MFN1: variants seen among roughly 807,000 people sequenced by gnomAD.
MFN1 encodes the protein mitofusin-1.
In MFN1, 65 loss-of-function variants were observed where a neutral mutation model predicts 92.4. The ratio of observed to expected loss-of-function variants is 0.70; its 90% CI spans 0.58 to 0.86. The LOEUF is 0.86. Ranked by LOEUF, MFN1 falls within the 40% of genes least tolerant of loss-of-function variation. The pLI is 0.00. For missense variants in MFN1, 781 were observed against 868.0 expected, an observed-to-expected ratio of 0.90 and a Z score of 1.26; for synonymous variants, 297 against 300.9, an observed-to-expected ratio of 0.99 and a Z score of 0.13.
intron 4 of MFN1, among the ~76,000 whole-genome samples, chr3:179,360,869 G>A (rs967858531): frequency 1.3e-5 from 2 of 152,068 alleles, no homozygotes; most frequent in Admixed American, 1.3e-4. Flanking sequence ...ATTCAAGGCC[G>A]GGCACAGTGG....
chr3:179,372,530 T>TA (rs1475481273), intron 9 of MFN1, among the ~76,000 whole-genome samples: 1 of 152,198 alleles, frequency 6.6e-6, no homozygotes, highest in Non-Finnish European at 1.5e-5. Flanking sequence ...TTCCCATACT[T>TA]ATTTGGAGTA....
intron 3 of MFN1, among the ~76,000 whole-genome samples, chr3:179,352,845 G>A (rs933190568): frequency 2.0e-5 from 3 of 151,862 alleles, no homozygotes; most frequent in Non-Finnish European, 4.4e-5. Flanking sequence ...TCCACATCCC[G>A]GGTTCAAGCG....
intron 3 of MFN1, among the ~76,000 whole-genome samples, chr3:179,355,227 C>T (rs1019664767): frequency 5.3e-5 from 8 of 152,146 alleles, no homozygotes; most frequent in Non-Finnish European, 7.3e-5. Flanking sequence ...TCACTTTCAT[C>T]GCCATCTTGG....
At chr3:179,351,844 A>G in intron 2 of MFN1, 56 bp from the exon 3 acceptor site, 5 of 1,515,294 alleles carry the variant, frequency 3.3e-6, no homozygotes, top group Non-Finnish European at 4.5e-6. Context: ...ATTCCATTAT[A>G]TAACTAACTT....
intron 9 of MFN1, among the ~76,000 whole-genome samples, chr3:179,369,556 T>C (rs1712939885): frequency 6.6e-6 from 1 of 152,164 alleles, no homozygotes; most frequent in African/African-American, 2.4e-5. Context: ...AGCTTGTGCT[T>C]CCCAAGAATA....
chr3:179,351,023 A>C (rs1012898944), intron 2 of MFN1, among the ~76,000 whole-genome samples: 1 of 152,114 alleles, frequency 6.6e-6, no homozygotes, highest in Admixed American at 6.6e-5. Flanking sequence ...CAGGCTGGTC[A>C]TGAACTCCTG....
chr3:179,358,896 C>T lies in MFN1; in HGVS notation c.305C>T (p.Pro102Leu). Residue 102 changes from proline to leucine, a missense_variant, in exon 4 of 18, where the codon CCT becomes CTT. Physicochemically the swap from Pro to Leu is moderately conservative, Grantham distance 98. Transcript: ENST00000471841. The stretch of plus-strand genomic sequence containing the variant: ...GCAATGTTGTGGGATAAAGTTCTCC[C>T]TAGTGGGATTGGCCATATAACCAAT... ...INAMLWDKVL[P>L]SGIGHITNCF... The T allele has an allele frequency of 6.2e-7, 1 of 1,613,916 alleles. No individual in the cohort carries two copies. Among genetic ancestry groups the T allele is most frequent in the Non-Finnish European group, 8.5e-7 (1 of 1,179,976 alleles).
At chr3:179,376,095 T>C (rs1713230754) in intron 10 of MFN1, among the ~76,000 whole-genome samples, 1 of 152,242 alleles carries the variant, frequency 6.6e-6, no homozygotes. Flanking sequence ...CATTGGAATT[T>C]TAAATGTATT....
chr3:179,389,767 G>C (rs562148251), intron 16 of MFN1, among the ~76,000 whole-genome samples: 1 of 151,982 alleles, frequency 6.6e-6, no homozygotes, highest in Non-Finnish European at 1.5e-5. Flanking sequence ...CCCATCTTTT[G>C]TCTTTATGTA....
chr3:179,377,251 TA>T, intron 11 of MFN1, 83 bp downstream of exon 11: 1 of 1,530,660 alleles, frequency 6.5e-7, no homozygotes, highest in Admixed American at 2.0e-5. Context: ...CCTGTTACTT[TA>T]AAAGAATGTT....
chr3:179,355,044 A>G (rs1381268080), intron 3 of MFN1, among the ~76,000 whole-genome samples: 9 of 151,848 alleles, frequency 5.9e-5, no homozygotes, highest in African/African-American at 2.2e-4. Flanking sequence ...CCATCCACCC[A>G]CCTCGGCCTC....
intron 3 of MFN1, among the ~76,000 whole-genome samples, chr3:179,358,447 C>T (rs1361830917): frequency 6.6e-6 from 1 of 152,190 alleles, no homozygotes; most frequent in Non-Finnish European, 1.5e-5. Flanking sequence ...GCCACTGCGC[C>T]TGGCCACCCA....
At chr3:179,365,541 T>C (rs1275503281) in intron 7 of MFN1, among the ~76,000 whole-genome samples, 3 of 152,202 alleles carry the variant, frequency 2.0e-5, no homozygotes, top group African/African-American at 7.2e-5. Context: ...AGTGCTGGGA[T>C]GACAGGCCTG....
intron 12 of MFN1, chr3:179,378,092 C>T (rs1310082755): frequency 1.2e-5 from 5 of 412,120 alleles, no homozygotes; most frequent in African/African-American, 8.3e-5. Flanking sequence ...AGCATGGCGA[C>T]ACGCTTCTAT....
intron 3 of MFN1, among the ~76,000 whole-genome samples, chr3:179,355,513 G>A (rs1418000033): frequency 6.6e-6 from 1 of 151,994 alleles, no homozygotes; most frequent in African/African-American, 2.4e-5. Context: ...TATGAGACTT[G>A]GACTAGGGAG....
In MFN1 at chr3:179,378,608, G is replaced by C. The variant is rs1451370839; in HGVS notation, c.1456G>C (p.Ala486Pro). Residue 486 changes from alanine (A) to proline (P), a missense_variant, in exon 14 of 18, where the codon GCT becomes CCT. By Grantham distance (27) the Ala-to-Pro change is conservative. Transcript: ENST00000471841. The part of the protein sequence containing the change: ...IIENLKPLLP[A>P]GIQDKLHTLI... Reference sequence around the variant, plus strand: ...AGAAAATTTGAAGCCATTACTTCCAGCTGGTATACAGGATAAACTACATAC... The same window carrying C: ...AGAAAATTTGAAGCCATTACTTCCACCTGGTATACAGGATAAACTACATAC... 4 of 1,611,318 alleles carry C rather than the reference G, an allele frequency of 2.5e-6. No homozygotes were observed. The highest frequency in any genetic ancestry group is 3.4e-6 in the Non-Finnish European group (4 of 1,178,512).
intron 14 of MFN1, among the ~76,000 whole-genome samples, chr3:179,382,926 T>C (rs1284417016): frequency 6.6e-6 from 1 of 152,218 alleles, no homozygotes; most frequent in East Asian, 1.9e-4. Context: ...GTTGTTTTTT[T>C]CTTGTAAATT....
At chr3:179,354,492 A>G (rs1363356869) in intron 3 of MFN1, among the ~76,000 whole-genome samples, 9 of 152,198 alleles carry the variant, frequency 5.9e-5, no homozygotes, top group Non-Finnish European at 2.9e-5. Context: ...GAATGAGAAC[A>G]GGGGTAGGAG....
intron 10 of MFN1, among the ~76,000 whole-genome samples, chr3:179,375,948 G>T (rs939784465): frequency 6.6e-6 from 1 of 152,124 alleles, no homozygotes; most frequent in Non-Finnish European, 1.5e-5. Flanking sequence ...CACAAACTTG[G>T]TATGCTTGAA....
Sources: gnomAD v4.1 joint callset for allele counts (sites outside exome capture counted in the v4.1 genomes callset) on GRCh38, gnomAD v4.1.1 for gene constraint, MANE v1.5 for transcripts, NCBI Gene and HGNC (gene_info 2026-07-23, HGNC 2026-07-21) for gene names.